Variants in SOX6 observed in about 807,000 individuals in gnomAD.
SOX6 encodes the protein transcription factor SOX-6.
In SOX6, 11 loss-of-function variants were observed where a neutral mutation model predicts 97.8. The ratio of observed to expected loss-of-function variants is 0.11; its 90% CI spans 0.07 to 0.19. SOX6 has a LOEUF of 0.19. Among genes scored for constraint, SOX6 ranks in the 10% least tolerant of loss-of-function variants. The pLI, the probability that SOX6 is intolerant of heterozygous loss-of-function variation, is 1.00. For missense variants in SOX6, 810 were observed against 1,039.5 expected (o/e 0.78, Z 3.04); for synonymous variants, 360 against 371.4 (o/e 0.97, Z 0.35).
intron 3 of SOX6, among the ~76,000 whole-genome samples, chr11:16,629,465 AC>A (rs1690129070): frequency 6.6e-6 from 1 of 152,146 alleles, no homozygotes; most frequent in Non-Finnish European, 1.5e-5. Flanking sequence ...TGGTGAATTA[AC>A]TTTTTGATGT....
intron 3 of SOX6, chr11:16,317,103 A>G (rs1379687317): frequency 6.6e-6 from 1 of 151,968 alleles, no homozygotes; most frequent in Non-Finnish European, 1.5e-5. Flanking sequence ...ACATATATAC[A>G]AAAAGATATA....
At chr11:16,516,839 T>A (rs1860982250) in intron 4 of SOX6, among the ~76,000 whole-genome samples, 1 of 151,460 alleles carries the variant, frequency 6.6e-6, no homozygotes, top group African/African-American at 2.4e-5. Context: ...GAGGACAGCA[T>A]CATTCTGATA....
intron 9 of SOX6, among the ~76,000 whole-genome samples, chr11:16,084,426 A>T (rs1230160305): frequency 1.3e-5 from 2 of 152,018 alleles, no homozygotes; most frequent in Non-Finnish European, 2.9e-5. Context: ...TGAATAAGAG[A>T]GATACAAGCA....
chr11:16,232,148 G>C (rs1852873065), intron 4 of SOX6, among the ~76,000 whole-genome samples: 1 of 151,708 alleles, frequency 6.6e-6, no homozygotes. Flanking sequence ...TATAATTTAG[G>C]TCACCTTAAA....
intron 1 of SOX6, among the ~76,000 whole-genome samples, chr11:16,374,078 C>G (rs1428075871): frequency 6.6e-6 from 1 of 152,028 alleles, no homozygotes; most frequent in Admixed American, 6.6e-5. Flanking sequence ...GATATTATCT[C>G]AAAATATTAT....
At chr11:16,280,700 T>G (rs979234931) in intron 3 of SOX6, among the ~76,000 whole-genome samples, 4 of 152,128 alleles carry the variant, frequency 2.6e-5, no homozygotes, top group African/African-American at 9.7e-5. Context: ...AAATGACTAA[T>G]GGCACCAGTA....
chr11:16,567,841 C>G (rs545826865), intron 4 of SOX6, among the ~76,000 whole-genome samples: 76 of 150,558 alleles, frequency 5.0e-4, no homozygotes, highest in Non-Finnish European at 6.3e-4. Context: ...TCCCACAGTG[C>G]TGGGATTACA....
At chr11:16,469,076 GAA>G (rs1432195673) in intron 1 of SOX6, among the ~76,000 whole-genome samples, 1 of 132,612 alleles carries the variant, frequency 7.5e-6, no homozygotes. Flanking sequence ...TTGGTACAGC[GAA>G]AAAAAAAAAA....
intron 3 of SOX6, among the ~76,000 whole-genome samples, chr11:16,660,200 A>G (rs1000781764): frequency 6.6e-6 from 1 of 152,102 alleles, no homozygotes; most frequent in African/African-American, 2.4e-5. Flanking sequence ...CTAAGGTGGA[A>G]ATTCAGATAA....
At chr11:16,392,956 C>T (rs1858230546) in intron 1 of SOX6, among the ~76,000 whole-genome samples, 1 of 152,012 alleles carries the variant, frequency 6.6e-6, no homozygotes, top group Non-Finnish European at 1.5e-5. Flanking sequence ...TTTGGAATAA[C>T]TCAACATTTT....
intron 4 of SOX6, among the ~76,000 whole-genome samples, chr11:16,215,002 C>T (rs143364020): frequency 1.4e-3 from 206 of 152,238 alleles, no homozygotes; most frequent in African/African-American, 4.1e-3. Flanking sequence ...CTGACCTCGG[C>T]CTCCCAAAGT....
At chr11:16,233,666 C>G (rs1413353693) in intron 4 of SOX6, among the ~76,000 whole-genome samples, 1 of 151,910 alleles carries the variant, frequency 6.6e-6, no homozygotes, top group African/African-American at 2.4e-5. Context: ...TCTTAATGAG[C>G]CTATGAAGGA....
At chr11:16,131,427 T>C (rs1180351579) in intron 6 of SOX6, among the ~76,000 whole-genome samples, 4 of 151,784 alleles carry the variant, frequency 2.6e-5, no homozygotes, top group African/African-American at 9.7e-5. Context: ...ACTAGAATGG[T>C]AAAAATTTAA....
chr11:16,691,436 T>G (rs1470564691), intron 3 of SOX6, among the ~76,000 whole-genome samples: 1 of 152,242 alleles, frequency 6.6e-6, no homozygotes, highest in Non-Finnish European at 1.5e-5. Flanking sequence ...TTTTTTCTTC[T>G]GAGACTTTTA....
At chr11:16,559,769 A>G (rs1172796865) in intron 4 of SOX6, among the ~76,000 whole-genome samples, 1 of 152,008 alleles carries the variant, frequency 6.6e-6, no homozygotes, top group Non-Finnish European at 1.5e-5. Flanking sequence ...TATTAATTGT[A>G]TTGTACCAGT....
intron 4 of SOX6, among the ~76,000 whole-genome samples, chr11:16,232,061 G>A (rs1024687777): frequency 6.6e-6 from 1 of 151,380 alleles, no homozygotes; most frequent in Non-Finnish European, 1.5e-5. Flanking sequence ...AAAAATATAA[G>A]AGCTATCAAA....
At chr11:16,097,044 C>T (rs555441087) in intron 8 of SOX6, among the ~76,000 whole-genome samples, 12 of 151,790 alleles carry the variant, frequency 7.9e-5, no homozygotes, top group African/African-American at 2.9e-4. Context: ...AAACACTTTC[C>T]CCCCAAGTTT....
chr11:16,055,738 C>A lies in SOX6; in HGVS notation c.1251+14G>T. ...TTTCTAAACTGTTTCCACAATGCTG[C>A]AAGGCGAGTGTACCTTAACTTGAGT... On this transcript the variant is annotated intron_variant, in intron 10 of 15. Coordinates refer to ENST00000683767, the MANE Select transcript of SOX6 (RefSeq NM_001367873.1). The A allele has an allele frequency of 6.2e-7, 1 of 1,613,490 alleles. No individual in the cohort carries two copies. Among genetic ancestry groups the A allele is most frequent in the South Asian group, 1.1e-5 (1 of 91,080 alleles).
At chr11:16,085,746 A>G (rs1352305356) in intron 9 of SOX6, among the ~76,000 whole-genome samples, 1 of 152,216 alleles carries the variant, frequency 6.6e-6, no homozygotes, top group Non-Finnish European at 1.5e-5. Context: ...TTCTTTTAGC[A>G]CAGAGGTCTC....
Sources: gnomAD v4.1 joint callset for allele counts (sites outside exome capture counted in the v4.1 genomes callset) on GRCh38, gnomAD v4.1.1 for gene constraint, MANE v1.5 for transcripts, NCBI Gene and HGNC (gene_info 2026-07-23, HGNC 2026-07-21) for gene names.